Variants in OR2T8 observed in about 807,000 individuals in gnomAD.
The protein encoded by OR2T8 is olfactory receptor 2T8.
For missense variants in OR2T8, 161 were observed against 389.4 expected (o/e 0.41, Z 4.94); for synonymous variants, 56 against 154.3 (o/e 0.36, Z 4.72).
rs1284608872 is a variant in OR2T8, at chr1:247,922,192, T to C, written c.*236T>C. On this transcript the variant is annotated 3_prime_UTR_variant, in exon 2 of 2. Coordinates refer to ENST00000641945, the MANE Select transcript of OR2T8 (RefSeq NM_001005522.2). ...GTGAACTCACTAATCCTTAGTAAGA[T>C]GGTTTTACATCATACCTCACAATAA... is the stretch of plus-strand genomic sequence containing the variant. Among the ~76,000 whole-genome samples the C allele has an allele frequency of 6.6e-6, 1 of 152,236 alleles. No homozygotes were observed. Among genetic ancestry groups the C allele is most frequent in the Non-Finnish European group, 1.5e-5 (1 of 68,044 alleles).
Position 247,922,565 on chromosome 1 carries a change from G to A in OR2T8, c.*609G>A, listed in dbSNP as rs1017755775. Among the ~76,000 whole-genome samples the A allele has an allele frequency of 1.3e-5, 2 of 152,090 alleles. No homozygotes were observed. Among genetic ancestry groups the A allele is most frequent in the African/African-American group, 4.8e-5 (2 of 41,414 alleles). On this transcript the variant is annotated 3_prime_UTR_variant, in exon 2 of 2. Coordinates refer to ENST00000641945, the MANE Select transcript of OR2T8 (RefSeq NM_001005522.2). ...TCTTGTTTCCTTCTTTCAGCTTAATGTATTTCTAAAATCCCTCCACATTTT... is the reference window on the plus strand; with the variant it reads ...TCTTGTTTCCTTCTTTCAGCTTAATATATTTCTAAAATCCCTCCACATTTT...
chr1:247,920,693 C>T (rs116319982), intron 1 of OR2T8, among the ~76,000 whole-genome samples, 175 bp downstream of exon 1: 3 of 152,278 alleles, frequency 2.0e-5, no homozygotes, highest in Non-Finnish European at 4.4e-5. Context: ...TTCTCACTCA[C>T]TTATGATGGT....
At position 247,921,282 on chromosome 1, in the gene OR2T8, G is replaced by A. The variant is rs140114659; in HGVS notation, c.265G>A (p.Ala89Thr). The change falls in exon 2 of 2, where the codon GCC becomes ACC. Residue 89 changes from alanine (A) to threonine (T), a missense_variant. Coordinates refer to ENST00000641945, the MANE Select transcript of OR2T8 (RefSeq NM_001005522.2). Reference protein sequence around the residue: ...MAADYLTGSKAISRAGCGAQI... With the variant: ...MAADYLTGSKTISRAGCGAQI... Reference sequence around the variant, plus strand: ...GGCTGACTACTTGACCGGAAGTAAGGCCATCTCCCGCGCTGGCTGTGGTGC... The same window carrying A: ...GGCTGACTACTTGACCGGAAGTAAGACCATCTCCCGCGCTGGCTGTGGTGC... The A allele has an allele frequency of 1.0e-4, 142 of 1,419,586 alleles. 1 individual carries two copies. The African/African-American group carries it at 2.0e-3, about 20-fold the overall frequency. The allele number at this position is 1,419,586 out of a possible 1,614,324, so 87.9% of individuals were successfully genotyped here.
rs776486913 is a variant in OR2T8, at chr1:247,921,241, C to T, written c.224C>T (p.Thr75Ile). The T allele has an allele frequency of 2.2e-5, 35 of 1,597,968 alleles. No individual in the cohort carries two copies. Among genetic ancestry groups the T allele is most frequent in the Non-Finnish European group, 3.0e-5 (35 of 1,175,298 alleles). The part of the protein sequence containing the change: ...SLMDVMLVST[T>I]VPKMAADYLT... ...ATGGACGTGATGCTGGTTTCCACCA[C>T]TGTGCCCAAAATGGCGGCTGACTAC... Residue 75 changes from threonine (T) to isoleucine (I), a missense_variant, in exon 2 of 2, where the codon ACT (threonine) becomes ATT (isoleucine). Coordinates refer to ENST00000641945, the MANE Select transcript of OR2T8 (RefSeq NM_001005522.2).
At position 247,921,213 on chromosome 1, in the gene OR2T8, C is replaced by T. The variant is rs1660006931; in HGVS notation, c.196C>T (p.Leu66Phe). 6.2e-7 allele frequency: 1 copy of T among 1,601,662 alleles called. No homozygotes were observed. The highest frequency in any genetic ancestry group is 8.5e-7 in the Non-Finnish European group (1 of 1,176,490). ...PMYFLLSQLSLMDVMLVSTTV... is the reference protein window; with the variant it reads ...PMYFLLSQLSFMDVMLVSTTV... ...GTACTTCCTCCTGAGCCAACTTTCC[C>T]TCATGGACGTGATGCTGGTTTCCAC... The change falls in exon 2 of 2, where the codon CTC (leucine) becomes TTC (phenylalanine). Residue 66 changes from leucine (L) to phenylalanine (F), a missense_variant. By Grantham distance (22) the Leu-to-Phe change is conservative (BLOSUM62 0). Coordinates refer to ENST00000641945, the MANE Select transcript of OR2T8 (RefSeq NM_001005522.2).
At chr1:247,920,903 G>A (rs915994700) in intron 1 of OR2T8, 95 bp from the exon 2 acceptor site, 6 of 868,932 alleles carry the variant, frequency 6.9e-6, no homozygotes, top group East Asian at 2.6e-5. Context: ...AGGTTTCATC[G>A]CTTTCACACA....
In OR2T8 at chr1:247,921,223, T is replaced by A; in HGVS notation, c.206T>A (p.Val69Glu). ...CTGAGCCAACTTTCCCTCATGGACG[T>A]GATGCTGGTTTCCACCACTGTGCCC... ...FLLSQLSLMD[V>E]MLVSTTVPKM... Residue 69 changes from valine (V) to glutamate (E), a missense_variant, in exon 2 of 2, where the codon GTG (valine) becomes GAG (glutamate). Coordinates refer to ENST00000641945, the MANE Select transcript of OR2T8 (RefSeq NM_001005522.2). 6.2e-7 allele frequency: 1 copy of A among 1,601,102 alleles called. No individual in the cohort carries two copies. Among genetic ancestry groups the A allele is most frequent in the Admixed American group, 1.7e-5 (1 of 58,198 alleles).
In OR2T8 at chr1:247,922,059, T is replaced by C; in HGVS notation, c.*103T>C. The C allele has an allele frequency of 2.5e-6, 3 of 1,184,438 alleles. No individual in the cohort carries two copies. The highest frequency in any genetic ancestry group is 3.6e-6 in the Non-Finnish European group (3 of 842,964). 73.4% of individuals were successfully genotyped at this position (1,184,438 alleles called of 1,614,324 possible). On this transcript the variant is annotated 3_prime_UTR_variant, in exon 2 of 2. Coordinates refer to ENST00000641945, the MANE Select transcript of OR2T8 (RefSeq NM_001005522.2). ...TTTATTTCTACATCTGTTGTCTCTG[T>C]GTGTGTGTGTGTTTGTGTGTTGCTT...
At position 247,922,352 on chromosome 1, in the gene OR2T8, T is replaced by C. The variant is rs1229832620; in HGVS notation, c.*396T>C. On this transcript the variant is annotated 3_prime_UTR_variant, in exon 2 of 2. Transcript: ENST00000641945. ...TTCCTTTTCAACTAATTTCCACAAA[T>C]ATCTACCCTGGTAATTCACCCATTA... Among the ~76,000 whole-genome samples the C allele has an allele frequency of 6.6e-6, 1 of 152,210 alleles. No individual in the cohort carries two copies. Among genetic ancestry groups the C allele is most frequent in the East Asian group, 1.9e-4 (1 of 5,196 alleles).
rs763463106 is a variant in OR2T8 at position 247,921,901 on chromosome 1, T to A, written c.884T>A (p.Val295Glu). 13 of 1,613,904 alleles carry A rather than the reference T, an allele frequency of 8.1e-6. No individual in the cohort carries two copies. The highest frequency in any genetic ancestry group is 1.1e-5 in the Non-Finnish European group (13 of 1,180,010). ...PLIYSVKNSE[V>E]KGALTRCMGR... is the part of the protein sequence containing the mutation. ...ATCTACAGTGTGAAGAACAGTGAGG[T>A]GAAGGGAGCCCTGACAAGGTGTATG... Residue 295 changes from valine (V) to glutamate (E), a missense_variant, in exon 2 of 2, where the codon GTG (valine) becomes GAG (glutamate). Transcript: ENST00000641945.
rs1052091502 is a variant in OR2T8 at position 247,922,563 on chromosome 1, A to C, written c.*607A>C. Among the ~76,000 whole-genome samples, 3 of 152,182 alleles carry C rather than the reference A, an allele frequency of 2.0e-5. No homozygotes were observed. The highest frequency in any genetic ancestry group is 2.4e-5 in the African/African-American group (1 of 41,454). The stretch of plus-strand genomic sequence containing the variant: ...AATCTTGTTTCCTTCTTTCAGCTTA[A>C]TGTATTTCTAAAATCCCTCCACATT... On this transcript the variant is annotated 3_prime_UTR_variant, in exon 2 of 2. Transcript: ENST00000641945.
rs766136692 is a variant in OR2T8, at chr1:247,921,272, C to T, written c.255C>T (p.Thr85=). The change falls in exon 2 of 2, where the codon ACC becomes ACT. Residue 85 remains threonine (T), a synonymous_variant. Transcript: ENST00000641945. ...CCAAAATGGCGGCTGACTACTTGAC[C>T]GGAAGTAAGGCCATCTCCCGCGCTG... is the stretch of plus-strand genomic sequence containing the variant. ...TVPKMAADYL[T]GSKAISRAGC... 91 of 1,579,018 alleles carry T rather than the reference C, an allele frequency of 5.8e-5. No homozygotes were observed. The highest frequency in any genetic ancestry group is 4.9e-4 in the Admixed American group (28 of 56,760).
rs1389415760 is a variant in OR2T8, at chr1:247,921,257, G to A, written c.240G>A (p.Ala80=). The change falls in exon 2 of 2, where the codon GCG becomes GCA. Residue 80 remains alanine, a synonymous_variant. Transcript: ENST00000641945. ...TTTCCACCACTGTGCCCAAAATGGCGGCTGACTACTTGACCGGAAGTAAGG... is the reference window on the plus strand; with the variant it reads ...TTTCCACCACTGTGCCCAAAATGGCAGCTGACTACTTGACCGGAAGTAAGG... ...MLVSTTVPKM[A]ADYLTGSKAI... is the part of the protein sequence containing the mutation. 1.9e-6 allele frequency: 3 copies of A among 1,591,336 alleles called. No homozygotes were observed. Among genetic ancestry groups the A allele is most frequent in the Non-Finnish European group, 2.6e-6 (3 of 1,171,888 alleles).
rs1660043235 is a variant in OR2T8 at position 247,922,900 on chromosome 1, G to C, written c.*944G>C. 6.6e-6 allele frequency among the ~76,000 whole-genome samples: 1 copy of C among 152,154 alleles called. No homozygotes were observed. The highest frequency in any genetic ancestry group is 1.5e-5 in the Non-Finnish European group (1 of 68,020). On this transcript the variant is annotated 3_prime_UTR_variant, in exon 2 of 2. Coordinates refer to ENST00000641945, the MANE Select transcript of OR2T8 (RefSeq NM_001005522.2). ...TTTTCTTCATTTTAGCAATTCTTCT[G>C]AGTGTAGTAGGAACTCAGTTTGCTT...
Position 247,922,594 on chromosome 1 carries a change from C to A in OR2T8, c.*638C>A, listed in dbSNP as rs1307729956. ...TTCTAAAATCCCTCCACATTTTTAC[C>A]TCATTGTTACATTGCTTTTTTTTAC... On this transcript the variant is annotated 3_prime_UTR_variant, in exon 2 of 2. Transcript: ENST00000641945. Among the ~76,000 whole-genome samples the A allele has an allele frequency of 6.6e-6, 1 of 152,102 alleles. No individual in the cohort carries two copies. The highest frequency in any genetic ancestry group is 1.5e-5 in the Non-Finnish European group (1 of 68,000).
In OR2T8 at chr1:247,922,058, G is replaced by T; in HGVS notation, c.*102G>T. 1.3e-6 allele frequency: 1 copy of T among 795,656 alleles called. No homozygotes were observed. Among genetic ancestry groups the T allele is most frequent in the Admixed American group, 3.4e-5 (1 of 29,024 alleles). The allele number at this position is 795,656 out of a possible 1,614,324, so 49.3% of individuals were successfully genotyped here. ...TTTTATTTCTACATCTGTTGTCTCT[G>T]TGTGTGTGTGTGTTTGTGTGTTGCT... is the stretch of plus-strand genomic sequence containing the variant. On this transcript the variant is annotated 3_prime_UTR_variant, in exon 2 of 2. Coordinates refer to ENST00000641945, the MANE Select transcript of OR2T8 (RefSeq NM_001005522.2).
chr1:247,920,754 C>T (rs563322625), intron 1 of OR2T8, among the ~76,000 whole-genome samples: 151 of 152,210 alleles, frequency 9.9e-4, no homozygotes, highest in Non-Finnish European at 1.7e-3. Flanking sequence ...TTATCCAGAA[C>T]GTGGATTTGT....
Position 247,922,303 on chromosome 1 carries a change from A to G in OR2T8, c.*347A>G, listed in dbSNP as rs755208909. On this transcript the variant is annotated 3_prime_UTR_variant, in exon 2 of 2. Transcript: ENST00000641945. ...TCAAATTGAGGTGTAGCTTACACAC[A>G]GTAGAATGCTCGCATTTAAGATGTT... 4.6e-5 allele frequency among the ~76,000 whole-genome samples: 7 copies of G among 152,212 alleles called. No homozygotes were observed. Among genetic ancestry groups the G allele is most frequent in the Non-Finnish European group, 1.0e-4 (7 of 68,040 alleles).
At position 247,923,038 on chromosome 1, in the gene OR2T8, A is replaced by G. The variant is rs1660044777; in HGVS notation, c.*1082A>G. Among the ~76,000 whole-genome samples the G allele has an allele frequency of 6.6e-6, 1 of 152,226 alleles. No homozygotes were observed. Among genetic ancestry groups the G allele is most frequent in the Non-Finnish European group, 1.5e-5 (1 of 68,046 alleles). ...TCAGTTTTTGGAAAAAAAAATCTGT[A>G]TATGCTTCCAAAGCGAAAACAACTT... On this transcript the variant is annotated 3_prime_UTR_variant, in exon 2 of 2. Coordinates refer to ENST00000641945, the MANE Select transcript of OR2T8 (RefSeq NM_001005522.2).
Sources: gnomAD v4.1 joint callset for allele counts (sites outside exome capture counted in the v4.1 genomes callset) on GRCh38, gnomAD v4.1.1 for gene constraint, MANE v1.5 for transcripts, NCBI Gene and HGNC (gene_info 2026-07-23, HGNC 2026-07-21) for gene names.